The following CNOT2 variants were observed in gnomAD, a reference collection of about 807,000 sequenced individuals.
The protein encoded by CNOT2 is CC chemokine receptor 4-negative regulator of transcription 2.
In CNOT2, 7 loss-of-function variants were observed where a neutral mutation model predicts 72.1. That is an observed-to-expected ratio of 0.10 (90% CI 0.06 to 0.18). CNOT2 has a LOEUF of 0.18. Ranked by LOEUF, CNOT2 falls within the 10% of genes least tolerant of loss-of-function variation. CNOT2 has a pLI of 1.00. For missense variants in CNOT2, 345 were observed against 660.3 expected, an observed-to-expected ratio of 0.52 and a Z score of 5.23; for synonymous variants, 196 against 225.6, an observed-to-expected ratio of 0.87 and a Z score of 1.17.
intron 5 of CNOT2, among the ~76,000 whole-genome samples, chr12:70,329,831 C>T (rs1879658363): frequency 6.6e-6 from 1 of 151,950 alleles, no homozygotes; most frequent in South Asian, 2.1e-4. Flanking sequence ...TTTCAAAAGG[C>T]ACCTGTCTTC....
At chr12:70,278,954 G>A (rs972262716) in intron 2 of CNOT2, among the ~76,000 whole-genome samples, 5 of 152,122 alleles carry the variant, frequency 3.3e-5, no homozygotes, top group African/African-American at 1.2e-4. Flanking sequence ...CAACATATTT[G>A]AATTTAGTTT....
rs1192140221 is a variant in CNOT2 at position 70,319,460 on chromosome 12, T to C, written c.238+96T>C. 9 of 1,181,734 alleles carry C rather than the reference T, an allele frequency of 7.6e-6. No individual in the cohort carries two copies. In the African/African-American group the frequency reaches 1.4e-4, roughly 18 times the overall value. 73.2% of individuals were successfully genotyped at this position (1,181,734 alleles called of 1,614,324 possible). ...AACCAGTACTTCCTTTGTGGGTTTA[T>C]TGTATGACTTAAAAGGAAAAATGTT... is the stretch of plus-strand genomic sequence containing the variant. On this transcript the variant is annotated intron_variant, in intron 4 of 15. Transcript: ENST00000229195.
intron 1 of CNOT2, among the ~76,000 whole-genome samples, chr12:70,267,052 G>GT (rs547567239): frequency 1.1e-4 from 17 of 151,530 alleles, no homozygotes; most frequent in African/African-American, 3.6e-4. Flanking sequence ...TACTTATTGA[G>GT]TTTTTTAGTA....
At chr12:70,296,685 A>T (rs1422616216) in intron 2 of CNOT2, among the ~76,000 whole-genome samples, 2 of 150,042 alleles carry the variant, frequency 1.3e-5, no homozygotes, top group African/African-American at 2.5e-5. Flanking sequence ...ATTTCCAGGT[A>T]TTAATATCTT....
chr12:70,346,619 C>T, intron 15 of CNOT2: 1 of 207,942 alleles, frequency 4.8e-6, no homozygotes, highest in Non-Finnish European at 9.5e-6. Context: ...TACTCTCTTG[C>T]AACCCCAGTC....
intron 1 of CNOT2, among the ~76,000 whole-genome samples, chr12:70,244,989 A>C (rs1359578444): frequency 6.6e-6 from 1 of 152,204 alleles, no homozygotes; most frequent in Non-Finnish European, 1.5e-5. Flanking sequence ...ATTTACATGC[A>C]AGGTTGATGT....
At chr12:70,302,772 G>A (rs1384169494) in intron 2 of CNOT2, among the ~76,000 whole-genome samples, 1 of 152,138 alleles carries the variant, frequency 6.6e-6, no homozygotes, top group South Asian at 2.1e-4. Flanking sequence ...GGATATCCTT[G>A]TTAACTTTCT....
At chr12:70,331,506 C>T (rs1183564638) in intron 6 of CNOT2, 1 of 151,674 alleles carries the variant, frequency 6.6e-6, no homozygotes, top group East Asian at 1.9e-4. Flanking sequence ...CATAGTTTTT[C>T]ACATTTTGTT....
intron 1 of CNOT2, among the ~76,000 whole-genome samples, chr12:70,249,108 T>C (rs1958020803): frequency 6.6e-6 from 1 of 152,072 alleles, no homozygotes; most frequent in African/African-American, 2.4e-5. Flanking sequence ...ACTGATTATG[T>C]AATACAATGT....
At position 70,303,516 on chromosome 12, in the gene CNOT2, C is replaced by A. The variant is rs185284025; in HGVS notation, c.49-7379C>A. On this transcript the variant is annotated intron_variant, in intron 2 of 15. Coordinates refer to ENST00000229195, the MANE Select transcript of CNOT2 (RefSeq NM_014515.7). ...GATATGAAATTCTGGGTTGAAAATT[C>A]TTTTCTTTAAGAATGTTGAATATTG... Among the ~76,000 whole-genome samples the A allele has an allele frequency of 4.6e-5, 7 of 152,156 alleles. No homozygotes were observed. The East Asian group carries it at 7.7e-4, about 17-fold the overall frequency.
chr12:70,282,629 C>G (rs1178368538), intron 2 of CNOT2, among the ~76,000 whole-genome samples: 1 of 151,632 alleles, frequency 6.6e-6, no homozygotes, highest in Non-Finnish European at 1.5e-5. Flanking sequence ...GTCTTTGTCT[C>G]TAACAAATGT....
chr12:70,265,273 TTCTTCTCTTC>T (rs1555188161), intron 1 of CNOT2, among the ~76,000 whole-genome samples: 2,604 of 125,442 alleles, frequency 0.021, 54 homozygotes, highest in African/African-American at 0.052. Context: ...TTCGTTTTGT[TTCTTCTCTTC>T]TCTTCTCTTC....
intron 1 of CNOT2, among the ~76,000 whole-genome samples, chr12:70,251,379 C>T (rs898142862): frequency 2.6e-5 from 4 of 152,160 alleles, no homozygotes; most frequent in Admixed American, 2.6e-4. Context: ...ATTGTAAATG[C>T]ACAAATCCTA....
intron 2 of CNOT2, among the ~76,000 whole-genome samples, chr12:70,283,319 G>A (rs1870200745): frequency 6.6e-6 from 1 of 152,032 alleles, no homozygotes; most frequent in Non-Finnish European, 1.5e-5. Flanking sequence ...TCATAGCTGA[G>A]TGTAGTGCTG....
At chr12:70,312,349 G>A (rs903510505) in intron 3 of CNOT2, among the ~76,000 whole-genome samples, 1 of 151,874 alleles carries the variant, frequency 6.6e-6, no homozygotes, top group Non-Finnish European at 1.5e-5. Context: ...TATAATGAAA[G>A]TTAAGTTTGC....
intron 3 of CNOT2, among the ~76,000 whole-genome samples, chr12:70,316,431 A>T (rs996819925): frequency 6.6e-6 from 1 of 152,052 alleles, no homozygotes; most frequent in Non-Finnish European, 1.5e-5. Flanking sequence ...CATTTTTAGC[A>T]CCGATTTGTT....
chr12:70,245,738 AAAAC>A (rs1365895870), intron 1 of CNOT2, among the ~76,000 whole-genome samples: 5 of 152,190 alleles, frequency 3.3e-5, no homozygotes, highest in African/African-American at 9.6e-5. Context: ...GCAAAAAACA[AAAAC>A]AAAAAAATTC....
chr12:70,335,772 CTT>C (rs1162162881), intron 8 of CNOT2: 6 of 370,222 alleles, frequency 1.6e-5, no homozygotes, highest in Non-Finnish European at 2.9e-5. Context: ...AATGGGAAAA[CTT>C]TGTACAAAAA....
intron 1 of CNOT2, among the ~76,000 whole-genome samples, chr12:70,250,239 C>G (rs1168439369): frequency 6.6e-6 from 1 of 152,096 alleles, no homozygotes; most frequent in East Asian, 1.9e-4. Context: ...TCCCTGTGCT[C>G]GATCACCAAA....
Sources: allele counts gnomAD v4.1 joint callset (sites outside exome capture counted in the v4.1 genomes callset), GRCh38; gene constraint gnomAD v4.1.1; transcripts MANE v1.5; gene names NCBI Gene and HGNC (gene_info 2026-07-23, HGNC 2026-07-21).